The following GPR19 variants were observed in gnomAD, a reference collection of about 807,000 sequenced individuals.
The protein encoded by GPR19 is G protein-coupled receptor 19, also known as probable G protein-coupled receptor 19.
A neutral mutation model predicts 28.5 loss-of-function variants in GPR19; 14 were observed. The ratio of observed to expected loss-of-function variants is 0.49; its 90% CI spans 0.32 to 0.77. The LOEUF is 0.77. Ranked by LOEUF, GPR19 falls within the 30% of genes least tolerant of loss-of-function variation. GPR19 has a pLI of 0.03. For missense variants in GPR19, 409 were observed against 504.1 expected, an observed-to-expected ratio of 0.81 and a Z score of 1.81; for synonymous variants, 173 against 184.1, an observed-to-expected ratio of 0.94 and a Z score of 0.49.
At chr12:12,701,577 G>A in the GPR19 span, among the ~76,000 whole-genome samples, 1 of 151,966 alleles carries the variant, frequency 6.6e-6, no homozygotes, top group Non-Finnish European at 1.5e-5. Flanking sequence ...TTAGTTAATC[G>A]CCCCATTTGA....
the GPR19 span, among the ~76,000 whole-genome samples, chr12:12,704,566 G>C: frequency 6.6e-6 from 1 of 152,206 alleles, no homozygotes; most frequent in African/African-American, 2.4e-5. Context: ...TGTGTGAGTA[G>C]TGTATGAAAA....
At chr12:12,689,584 C>A (rs1486990255) in intron 2 of GPR19, among the ~76,000 whole-genome samples, 1 of 149,790 alleles carries the variant, frequency 6.7e-6, no homozygotes, top group Non-Finnish European at 1.5e-5. Flanking sequence ...CAGGATTAGA[C>A]ACTTTTTTTT....
intron 3 of GPR19, among the ~76,000 whole-genome samples, chr12:12,673,881 T>C (rs1490066049): frequency 6.6e-6 from 1 of 152,144 alleles, no homozygotes; most frequent in Non-Finnish European, 1.5e-5. Context: ...CGCACATTTA[T>C]GTTTTAAAAA....
chr12:12,702,447 T>G, the GPR19 span, among the ~76,000 whole-genome samples: 1 of 152,270 alleles, frequency 6.6e-6, no homozygotes, highest in African/African-American at 2.4e-5. Context: ...CTAAACATGT[T>G]AGAGTATGTA....
At chr12:12,706,954 ACT>A in the GPR19 span, among the ~76,000 whole-genome samples, 8 of 152,168 alleles carry the variant, frequency 5.3e-5, no homozygotes, top group Non-Finnish European at 1.2e-4. Context: ...AGGTAAAAAA[ACT>A]CTATGCTCAA....
intron 3 of GPR19, among the ~76,000 whole-genome samples, chr12:12,681,707 A>G (rs1260393706): frequency 2.0e-5 from 3 of 152,268 alleles, no homozygotes; most frequent in Non-Finnish European, 4.4e-5. Flanking sequence ...ATGAGCTGGT[A>G]GAATTCAAGG....
intron 2 of GPR19, chr12:12,688,505 T>G (rs1024324118): frequency 1.3e-4 from 20 of 152,242 alleles, no homozygotes; most frequent in African/African-American, 4.8e-4. Flanking sequence ...CCTACCACAG[T>G]GAGTTACCTC....
intron 3 of GPR19, among the ~76,000 whole-genome samples, chr12:12,679,168 T>C (rs1945982927): frequency 6.6e-6 from 1 of 152,050 alleles, no homozygotes; most frequent in South Asian, 2.1e-4. Flanking sequence ...AGACTAGTGG[T>C]TCTCAATCAG....
the GPR19 span, among the ~76,000 whole-genome samples, chr12:12,714,771 T>G: frequency 6.6e-6 from 1 of 152,168 alleles, no homozygotes; most frequent in East Asian, 1.9e-4. Flanking sequence ...CTTCAGGGAC[T>G]CCATAGTATT....
intron 2 of GPR19, among the ~76,000 whole-genome samples, chr12:12,686,322 T>C (rs1366176053): frequency 6.6e-6 from 1 of 152,152 alleles, no homozygotes; most frequent in Admixed American, 6.5e-5. Context: ...AGGAGTGAGG[T>C]TAATTCTAGT....
the GPR19 span, among the ~76,000 whole-genome samples, chr12:12,703,115 T>C: frequency 6.6e-6 from 1 of 152,232 alleles, no homozygotes; most frequent in South Asian, 2.1e-4. Context: ...TCTGTAACTC[T>C]AGCACTCAGC....
chr12:12,669,846 A>T (rs1566142039), intron 3 of GPR19, among the ~76,000 whole-genome samples: 1 of 152,146 alleles, frequency 6.6e-6, no homozygotes, highest in African/African-American at 2.4e-5. Context: ...GAAGCTTCCT[A>T]ACTGACTCTC....
chr12:12,709,463 C>G, the GPR19 span, among the ~76,000 whole-genome samples: 1 of 152,120 alleles, frequency 6.6e-6, no homozygotes, highest in Non-Finnish European at 1.5e-5. Context: ...GTTTTTGAGA[C>G]AGGGTCTCAC....
At chr12:12,665,051 A>C (rs948715402) in intron 3 of GPR19, among the ~76,000 whole-genome samples, 4 of 151,998 alleles carry the variant, frequency 2.6e-5, no homozygotes, top group Non-Finnish European at 4.4e-5. Context: ...TGTGTGTAAA[A>C]CCTATTAAAC....
At chr12:12,687,131 T>G (rs1946109608) in intron 2 of GPR19, among the ~76,000 whole-genome samples, 1 of 152,240 alleles carries the variant, frequency 6.6e-6, no homozygotes, top group African/African-American at 2.4e-5. Context: ...TAATGTGATC[T>G]TCTCATCTGC....
chr12:12,690,553 TTC>T (rs1946166861), intron 2 of GPR19, among the ~76,000 whole-genome samples: 1 of 152,196 alleles, frequency 6.6e-6, no homozygotes, highest in South Asian at 2.1e-4. Context: ...CTGCCTCCAA[TTC>T]TCTCTGTTTC....
Position 12,661,155 on chromosome 12 carries a change from T to G in GPR19, c.*46A>C, listed in dbSNP as rs1370249499. The G allele has an allele frequency of 7.4e-7, 1 of 1,346,252 alleles. No homozygotes were observed. Among genetic ancestry groups the G allele is most frequent in the South Asian group, 1.4e-5 (1 of 70,988 alleles). The allele number at this position is 1,346,252 out of a possible 1,614,324, so 83.4% of individuals were successfully genotyped here. On this transcript the variant is annotated 3_prime_UTR_variant, in exon 4 of 4. Transcript: ENST00000651487. The surrounding 1 kb of genome is among the most constrained non-coding windows in gnomAD (Gnocchi z 4.2). Reference sequence around the variant, plus strand: ...TGTAAATAGCTTCTGTTTTTATAGTTAAAGCTTTTTAATCTCTGGTGCATA... The same window carrying G: ...TGTAAATAGCTTCTGTTTTTATAGTGAAAGCTTTTTAATCTCTGGTGCATA...
intron 3 of GPR19, among the ~76,000 whole-genome samples, chr12:12,680,537 T>G (rs1311957464): frequency 1.3e-5 from 2 of 152,188 alleles, no homozygotes; most frequent in African/African-American, 4.8e-5. Context: ...GATAGGGTCT[T>G]GCTTTGTCAC....
chr12:12,706,861 C>A, the GPR19 span, among the ~76,000 whole-genome samples: 1 of 152,196 alleles, frequency 6.6e-6, no homozygotes, highest in African/African-American at 2.4e-5. Flanking sequence ...GTATAGTCTA[C>A]TATAATACAT....
Sources: gnomAD v4.1 joint callset for allele counts (sites outside exome capture counted in the v4.1 genomes callset) on GRCh38, gnomAD v4.1.1 for gene constraint, Gnocchi (gnomAD v3.1) non-coding constraint, MANE v1.5 for transcripts, NCBI Gene and HGNC (gene_info 2026-07-23, HGNC 2026-07-21) for gene names.